Variants in SBNO1 observed in about 807,000 individuals in gnomAD.
SBNO1 encodes the protein strawberry notch homolog 1.
A neutral mutation model predicts 173.6 loss-of-function variants in SBNO1; 23 were observed. The observed-to-expected ratio is 0.13, with a 90% CI of 0.10 to 0.19. The LOEUF is 0.19. SBNO1 is among the 10% of genes least tolerant of loss of function. The pLI is 1.00. For synonymous variants in SBNO1, 632 were observed against 571.5 expected, an observed-to-expected ratio of 1.11 and a Z score of -1.51; for missense variants, 1,238 against 1,671.2, an observed-to-expected ratio of 0.74 and a Z score of 4.52.
At chr12:123,298,918 T>C (rs1257995440) in intron 30 of SBNO1, among the ~76,000 whole-genome samples, 1 of 152,090 alleles carries the variant, frequency 6.6e-6, no homozygotes, top group Admixed American at 6.6e-5. Flanking sequence ...GGCGAGGCTC[T>C]ATCTCTACAA....
In SBNO1 at chr12:123,304,674, G is replaced by T. The variant is rs200022612; in HGVS notation, c.3676C>A (p.Pro1226Thr). The T allele has an allele frequency of 3.2e-6, 5 of 1,558,024 alleles. No individual in the cohort carries two copies. Among genetic ancestry groups the T allele is most frequent in the Non-Finnish European group, 4.4e-6 (5 of 1,132,412 alleles). The stretch of plus-strand genomic sequence containing the variant: ...TAAACTAAGAAAAGTTTCTTTTTAG[G>T]ATTCACTTCTTTAACTAAGATGGCA... ...KTAILVKEVN[P>T]KKKLFLVYRP... Residue 1226 changes from proline (P) to threonine (T), a missense_variant, in exon 29 of 32, where the codon CCT becomes ACT. By Grantham distance (38) the Pro-to-Thr change is conservative. Transcript: ENST00000602398.
chr12:123,343,194 T>C (rs960883766), intron 4 of SBNO1, among the ~76,000 whole-genome samples: 2 of 151,884 alleles, frequency 1.3e-5, no homozygotes, highest in African/African-American at 4.8e-5. Context: ...GGTCGCGCCA[T>C]TGCACTCCAG....
chr12:123,358,403 G>T (rs1438490393), intron 1 of SBNO1, among the ~76,000 whole-genome samples: 1 of 152,132 alleles, frequency 6.6e-6, no homozygotes, highest in Non-Finnish European at 1.5e-5. Context: ...GATAACCCAT[G>T]AGTATCAAAT....
intron 8 of SBNO1, 41 bp from the exon 9 acceptor site, chr12:123,330,550 A>G (rs1377048115): frequency 1.8e-6 from 2 of 1,126,360 alleles, no homozygotes; most frequent in Middle Eastern, 2.0e-4. Context: ...TACAAATTAT[A>G]TCATTCTAGA....
At chr12:123,307,307 TG>T (rs755005640) in intron 28 of SBNO1, among the ~76,000 whole-genome samples, 10 of 152,020 alleles carry the variant, frequency 6.6e-5, no homozygotes, top group Non-Finnish European at 1.0e-4. Context: ...AAATCTAGCT[TG>T]GCACTCCTAA....
intron 5 of SBNO1, among the ~76,000 whole-genome samples, chr12:123,338,548 TA>T (rs1872131999): frequency 6.6e-6 from 1 of 151,798 alleles, no homozygotes; most frequent in African/African-American, 2.4e-5. Context: ...TAGCAGGGCG[TA>T]GTGGCGGGCG....
At chr12:123,304,560 T>C (rs775081949) in intron 29 of SBNO1, 22 bp downstream of exon 29, 17 of 1,470,220 alleles carry the variant, frequency 1.2e-5, no homozygotes, top group Non-Finnish European at 1.6e-5. Flanking sequence ...CTATATAATA[T>C]AATGTACAAA....
intron 29 of SBNO1, 83 bp from the exon 30 acceptor site, chr12:123,302,983 T>C: frequency 3.0e-6 from 3 of 1,014,250 alleles, no homozygotes; most frequent in Non-Finnish European, 4.6e-6. Context: ...ATTCTAGAGG[T>C]AGCCAATTTA....
chr12:123,331,174 G>C (rs1871172581), intron 8 of SBNO1, 68 bp downstream of exon 8: 1 of 1,507,506 alleles, frequency 6.6e-7, no homozygotes, highest in Non-Finnish European at 9.2e-7. Context: ...GTGTTAGCCA[G>C]GATGGTCTCG....
At chr12:123,323,228 G>C (rs185360866) in intron 16 of SBNO1, among the ~76,000 whole-genome samples, 1 of 152,220 alleles carries the variant, frequency 6.6e-6, no homozygotes, top group Non-Finnish European at 1.5e-5. Context: ...ATTCAAAATT[G>C]TACAAGTGAC....
intron 1 of SBNO1, among the ~76,000 whole-genome samples, chr12:123,350,895 G>A (rs550895142): frequency 6.6e-6 from 1 of 152,126 alleles, no homozygotes; most frequent in South Asian, 2.1e-4. Context: ...GCAAAGCCAG[G>A]TGGATCACCT....
intron 7 of SBNO1, among the ~76,000 whole-genome samples, chr12:123,331,915 C>T (rs1216047718): frequency 6.6e-6 from 1 of 152,158 alleles, no homozygotes; most frequent in Admixed American, 6.6e-5. Context: ...TGCAGTGGCA[C>T]AATCTCGGCT....
intron 31 of SBNO1, 94 bp downstream of exon 31, chr12:123,297,884 A>G: frequency 1.8e-6 from 2 of 1,093,588 alleles, no homozygotes; most frequent in East Asian, 2.4e-5. Flanking sequence ...GAGATGTTAG[A>G]TGCATGTGGA....
rs1414532419 is a variant in SBNO1, at chr12:123,350,521, A to G, written c.1-80T>C. ...ACTCCCCTCTAAATATAAACAATCC[A>G]ACAATCTCTATTAGACCCATTCATT... On this transcript the variant is annotated intron_variant, in intron 1 of 31. Coordinates refer to ENST00000602398, the MANE Select transcript of SBNO1 (RefSeq NM_001167856.3). The G allele has an allele frequency of 2.7e-6, 3 of 1,126,662 alleles. No individual in the cohort carries two copies. The East Asian group carries it at 7.0e-5, about 26-fold the overall frequency. 69.8% of individuals were successfully genotyped at this position (1,126,662 alleles called of 1,614,324 possible). A position where few individuals can be genotyped will look rare whatever the true frequency, so the allele number is the denominator to read the frequency against.
chr12:123,305,860 CA>C (rs1312870713), intron 28 of SBNO1, among the ~76,000 whole-genome samples: 1 of 152,154 alleles, frequency 6.6e-6, no homozygotes, highest in Non-Finnish European at 1.5e-5. Context: ...CAAGGAAAAA[CA>C]ACTGGAAAAT....
At chr12:123,308,271 A>G (rs189919632) in intron 28 of SBNO1, among the ~76,000 whole-genome samples, 6 of 152,314 alleles carry the variant, frequency 3.9e-5, no homozygotes, top group Admixed American at 3.9e-4. Flanking sequence ...GAGACAAATC[A>G]TAACTGAAAG....
rs564687530 is a variant in SBNO1, at chr12:123,332,636, A to G, written c.910-1261T>C. Among the ~76,000 whole-genome samples the G allele has an allele frequency of 4.0e-5, 6 of 151,240 alleles. No individual in the cohort carries two copies. In the East Asian group the frequency reaches 1.2e-3, roughly 30 times the overall value. Reference sequence around the variant, plus strand: ...GGCTGGAGTGCAGTGGCACAATCTCAGCTCACTGCAACCTCCACCTCCTGG... The same window carrying G: ...GGCTGGAGTGCAGTGGCACAATCTCGGCTCACTGCAACCTCCACCTCCTGG... On this transcript the variant is annotated intron_variant, in intron 7 of 31. Transcript: ENST00000602398.
In SBNO1 at chr12:123,326,704, T is replaced by C. The variant is rs1311876845; in HGVS notation, c.1693-370A>G. Among the ~76,000 whole-genome samples, 4 of 152,164 alleles carry C rather than the reference T, an allele frequency of 2.6e-5. No individual in the cohort carries two copies. The South Asian group carries it at 6.2e-4, about 24-fold the overall frequency. On this transcript the variant is annotated intron_variant, in intron 13 of 31. Transcript: ENST00000602398. ...ACTTTGGGAGGCTGAGGCAGGTGGATTGCTTGAGCCCAGGAGTTCCAGATC... is the reference window on the plus strand; with the variant it reads ...ACTTTGGGAGGCTGAGGCAGGTGGACTGCTTGAGCCCAGGAGTTCCAGATC...
At chr12:123,312,630 T>A (rs1025409974) in intron 24 of SBNO1, among the ~76,000 whole-genome samples, 6 of 151,612 alleles carry the variant, frequency 4.0e-5, no homozygotes. Context: ...GAGAACCCTT[T>A]GAACCTGGTG....
Sources: gnomAD v4.1 joint callset for allele counts (sites outside exome capture counted in the v4.1 genomes callset) on GRCh38, gnomAD v4.1.1 for gene constraint, MANE v1.5 for transcripts, NCBI Gene and HGNC (gene_info 2026-07-23, HGNC 2026-07-21) for gene names.